The following ARHGEF10L variants were observed in gnomAD, a reference collection of about 807,000 sequenced individuals.
The protein encoded by ARHGEF10L is Rho guanine nucleotide exchange factor 10 like, also known as rho guanine nucleotide exchange factor 10-like protein.
ARHGEF10L carries 69 observed loss-of-function variants against 141.2 expected under a neutral mutation model. The ratio of observed to expected loss-of-function variants is 0.49; its 90% CI spans 0.40 to 0.60. The LOEUF (loss-of-function observed/expected upper bound fraction) is 0.60, where lower values mean the gene tolerates loss of function less well. Ranked by LOEUF, ARHGEF10L falls within the 20% of genes least tolerant of loss-of-function variation. ARHGEF10L has a pLI of 0.00. For synonymous variants in ARHGEF10L, 711 were observed against 718.5 expected, an observed-to-expected ratio of 0.99 and a Z score of 0.17; for missense variants, 1,482 against 1,734.3, an observed-to-expected ratio of 0.85 and a Z score of 2.58.
chr1:17,556,133 G>C (rs2077304559), intron 1 of ARHGEF10L, among the ~76,000 whole-genome samples: 1 of 90,192 alleles, frequency 1.1e-5, no homozygotes, highest in Non-Finnish European at 2.3e-5. Flanking sequence ...TGGAAACACA[G>C]GGGGGCCTGG....
In ARHGEF10L at chr1:17,573,465, G is replaced by C. The variant is rs1463344205; in HGVS notation, c.-43-7088G>C. On this transcript the variant is annotated intron_variant, in intron 1 of 28. Transcript: ENST00000361221. The surrounding 1 kb of genome is among the most constrained non-coding windows in gnomAD (Gnocchi z 4.8). ...GTCTGGGGTTCTCTGGAGAAGAGGG[G>C]GGTCAGTTCAGCTGATGGCAGGTGG... is the stretch of plus-strand genomic sequence containing the variant. 6.6e-6 allele frequency among the ~76,000 whole-genome samples: 1 copy of C among 152,204 alleles called. No individual in the cohort carries two copies. The highest frequency in any genetic ancestry group is 1.5e-5 in the Non-Finnish European group (1 of 68,034).
intron 23 of ARHGEF10L, among the ~76,000 whole-genome samples, chr1:17,655,616 T>G (rs112991053): frequency 6.6e-6 from 1 of 152,260 alleles, no homozygotes; most frequent in East Asian, 1.9e-4. Context: ...TTGGTTGAAA[T>G]GCACCCTGCA....
chr1:17,619,483 G>T lies in ARHGEF10L; in HGVS notation c.942+38G>T. 7.7e-6 allele frequency: 11 copies of T among 1,428,880 alleles called. No homozygotes were observed. Among genetic ancestry groups the T allele is most frequent in the Non-Finnish European group, 9.6e-6 (10 of 1,045,568 alleles). 88.5% of individuals were successfully genotyped at this position (1,428,880 alleles called of 1,614,324 possible). A position where few individuals can be genotyped will look rare whatever the true frequency, so the allele number is the denominator to read the frequency against. The stretch of plus-strand genomic sequence containing the variant: ...GTGGGGCAGGTGGGGGTCTGCAGGG[G>T]AAGGGGTGGCTTGGGGGTTCCAGCC... On this transcript the variant is annotated intron_variant, in intron 10 of 28. Transcript: ENST00000361221. This position sits in a 1 kb window ranked among gnomAD's most constrained non-coding sequence, Gnocchi z 5.0.
the ARHGEF10L span, among the ~76,000 whole-genome samples, chr1:17,532,548 A>G: frequency 1.3e-5 from 2 of 151,144 alleles, no homozygotes; most frequent in Non-Finnish European, 2.9e-5. Context: ...ACCCCAGCCC[A>G]CATTTACCCT....
At chr1:17,550,197 A>C in intron 1 of ARHGEF10L, among the ~76,000 whole-genome samples, 1 of 152,156 alleles carries the variant, frequency 6.6e-6, no homozygotes, top group East Asian at 1.9e-4. Flanking sequence ...GAAAGAGAAG[A>C]ACTGAGCATG....
At chr1:17,637,020 A>C (rs2061043158) in intron 18 of ARHGEF10L, among the ~76,000 whole-genome samples, 1 of 149,590 alleles carries the variant, frequency 6.7e-6, no homozygotes, top group Admixed American at 6.7e-5. Flanking sequence ...GGGCCCCCTC[A>C]CCCCATCACT....
chr1:17,632,584 T>A, intron 16 of ARHGEF10L, 118 bp downstream of exon 16: 1 of 1,299,404 alleles, frequency 7.7e-7, no homozygotes, highest in Non-Finnish European at 1.1e-6. Flanking sequence ...TGGTTTAGGC[T>A]TCCAATATTC....
At chr1:17,595,028 C>G (rs1171912553) in intron 4 of ARHGEF10L, among the ~76,000 whole-genome samples, 1 of 152,108 alleles carries the variant, frequency 6.6e-6, no homozygotes, top group Non-Finnish European at 1.5e-5. Flanking sequence ...ACCTCCTCCT[C>G]TCTCTTCCTT....
chr1:17,596,118 CT>C (rs2080074523), intron 4 of ARHGEF10L, among the ~76,000 whole-genome samples: 1 of 152,256 alleles, frequency 6.6e-6, no homozygotes, highest in Admixed American at 6.5e-5. Context: ...GAGCTTACCC[CT>C]GACCAACAGT....
intron 1 of ARHGEF10L, 59 bp from the exon 2 acceptor site, chr1:17,580,494 A>C: frequency 6.8e-7 from 1 of 1,476,820 alleles, no homozygotes; most frequent in Non-Finnish European, 9.4e-7. Flanking sequence ...GACTTGTCTC[A>C]GTAGCTGAAA....
chr1:17,630,914 G>C (rs1192315323), intron 15 of ARHGEF10L, among the ~76,000 whole-genome samples: 2 of 152,034 alleles, frequency 1.3e-5, no homozygotes, highest in African/African-American at 4.8e-5. Context: ...GGGATGCCTG[G>C]GGGTGATCTG....
chr1:17,596,114 A>C (rs975775205), intron 4 of ARHGEF10L, among the ~76,000 whole-genome samples: 1 of 152,062 alleles, frequency 6.6e-6, no homozygotes, highest in African/African-American at 2.4e-5. Flanking sequence ...CAGGGAGCTT[A>C]CCCCTGACCA....
In ARHGEF10L at chr1:17,619,516, T is replaced by A; in HGVS notation, c.942+71T>A. 1 of 1,256,396 alleles carries A rather than the reference T, an allele frequency of 8.0e-7. No individual in the cohort carries two copies. Among genetic ancestry groups the A allele is most frequent in the Non-Finnish European group, 1.1e-6 (1 of 903,872 alleles). 77.8% of individuals were successfully genotyped at this position (1,256,396 alleles called of 1,614,324 possible). A position where few individuals can be genotyped will look rare whatever the true frequency, so the allele number is the denominator to read the frequency against. ...GGCTTGGGGGTTCCAGCCTGTTCTC[T>A]GGGGCCACGCTTGTCTGGATCTCAC... On this transcript the variant is annotated intron_variant, in intron 10 of 28. Coordinates refer to ENST00000361221, the MANE Select transcript of ARHGEF10L (RefSeq NM_018125.4). The surrounding 1 kb of genome is among the most constrained non-coding windows in gnomAD (Gnocchi z 5.0).
intron 26 of ARHGEF10L, among the ~76,000 whole-genome samples, chr1:17,679,957 A>G (rs2063988034): frequency 6.6e-6 from 1 of 152,150 alleles, no homozygotes. Flanking sequence ...TGGGTGGCAC[A>G]GCCCCTTCAT....
chr1:17,696,993 G>A lies in ARHGEF10L; in HGVS notation c.3453G>A (p.Gln1151=), dbSNP rs2065552169. The A allele has an allele frequency of 3.1e-6, 5 of 1,610,184 alleles. No individual in the cohort carries two copies. The East Asian group carries it at 1.1e-4, about 36-fold the overall frequency. ...CTGAGGAGGACAAGCCAGACGGGCA[G>A]GCACACGAGCCCATGCCCGATAGCC... ...PRAEEDKPDG[Q]AHEPMPDSHV... is the part of the protein sequence containing the mutation. The change falls in exon 29 of 29, where the codon CAG becomes CAA. Residue 1151 remains glutamine (Q), a synonymous_variant. Transcript: ENST00000361221.
At chr1:17,584,962 C>T (rs1258919389) in intron 2 of ARHGEF10L, among the ~76,000 whole-genome samples, 1 of 152,098 alleles carries the variant, frequency 6.6e-6, no homozygotes, top group Non-Finnish European at 1.5e-5. Context: ...TCATTAGTAT[C>T]ACAATACATT....
intron 1 of ARHGEF10L, among the ~76,000 whole-genome samples, chr1:17,570,144 G>A (rs2100337444): frequency 6.6e-6 from 1 of 152,378 alleles, no homozygotes; most frequent in South Asian, 2.1e-4. Context: ...TGTGCCTTGG[G>A]TCGCCTGTGT....
intron 1 of ARHGEF10L, among the ~76,000 whole-genome samples, chr1:17,570,069 G>A (rs1456204111): frequency 6.6e-6 from 1 of 152,190 alleles, no homozygotes; most frequent in Non-Finnish European, 1.5e-5. Flanking sequence ...GAGGGGCCCA[G>A]CTGTGGCCGC....
chr1:17,677,064 G>A (rs1275539446), intron 26 of ARHGEF10L, among the ~76,000 whole-genome samples: 1 of 152,072 alleles, frequency 6.6e-6, no homozygotes, highest in East Asian at 1.9e-4. Flanking sequence ...CGCTCCATGA[G>A]GTTTGCTGAG....
Sources: allele counts gnomAD v4.1 joint callset (sites outside exome capture counted in the v4.1 genomes callset), GRCh38; gene constraint gnomAD v4.1.1; non-coding constraint Gnocchi (gnomAD v3.1); transcripts MANE v1.5; gene names NCBI Gene and HGNC (gene_info 2026-07-23, HGNC 2026-07-21).